CEP290: variants seen among roughly 807,000 people sequenced by gnomAD.
CEP290 encodes the protein centrosomal protein 290.
In CEP290, 317 loss-of-function variants were observed where a neutral mutation model predicts 344.9. That is an observed-to-expected ratio of 0.92 (90% CI 0.84 to 1.01). CEP290 has a LOEUF of 1.01. Among genes scored for constraint, CEP290 ranks in the 50% least tolerant of loss-of-function variants. The pLI is 0.00. For missense variants in CEP290, 2,754 were observed against 2,761.4 expected, an observed-to-expected ratio of 1.00 and a Z score of 0.06; for synonymous variants, 932 against 895.8, an observed-to-expected ratio of 1.04 and a Z score of -0.72.
At chr12:88,090,911 T>C (rs563443914) in intron 29 of CEP290, 72 bp from the exon 30 acceptor site, 1 of 857,342 alleles carries the variant, frequency 1.2e-6, no homozygotes, top group South Asian at 1.7e-5. Context: ...TCAAAATTTC[T>C]AGACCCTTTT....
intron 43 of CEP290, among the ~76,000 whole-genome samples, chr12:88,068,848 A>C (rs1212273239): frequency 6.6e-6 from 1 of 152,156 alleles, no homozygotes; most frequent in African/African-American, 2.4e-5. Context: ...CAGAGCATTC[A>C]CTGAAGGCCT....
intron 37 of CEP290, among the ~76,000 whole-genome samples, chr12:88,080,707 G>T (rs1565828303): frequency 1.3e-5 from 2 of 152,162 alleles, no homozygotes; most frequent in Non-Finnish European, 2.9e-5. Flanking sequence ...GGGATTACAG[G>T]TGTGAGCCAC....
At chr12:88,118,044 T>TTAATAATAA (rs537270767) in intron 17 of CEP290, among the ~76,000 whole-genome samples, 6 of 150,140 alleles carry the variant, frequency 4.0e-5, no homozygotes, top group African/African-American at 1.5e-4. Flanking sequence ...ATCTCAAATA[T>TTAATAATAA]TAATAATAAT....
Position 88,121,494 on chromosome 12 carries a change from G to A in CEP290, c.1190-328C>T, listed in dbSNP as rs780838843. Among the ~76,000 whole-genome samples, 136 of 151,646 alleles carry A rather than the reference G, an allele frequency of 9.0e-4. 2 individuals carry two copies. Among genetic ancestry groups the A allele is most frequent in the Non-Finnish European group, 1.5e-3 (102 of 67,930 alleles). On this transcript the variant is annotated intron_variant, in intron 13 of 53. Coordinates refer to ENST00000552810, the MANE Select transcript of CEP290 (RefSeq NM_025114.4). ...TTTTGTCCACTGTACTAAAACTATGGATTTTTAGCTTGACACGTGGCCATT... is the reference window on the plus strand; with the variant it reads ...TTTTGTCCACTGTACTAAAACTATGAATTTTTAGCTTGACACGTGGCCATT...
chr12:88,110,452 T>C (rs1412132555), intron 22 of CEP290, among the ~76,000 whole-genome samples: 1 of 152,156 alleles, frequency 6.6e-6, no homozygotes, highest in Non-Finnish European at 1.5e-5. Flanking sequence ...GGCTCACGTC[T>C]GTAACCCTAG....
At chr12:88,081,067 G>A (rs2036165856) in intron 37 of CEP290, among the ~76,000 whole-genome samples, 1 of 152,030 alleles carries the variant, frequency 6.6e-6, no homozygotes, top group South Asian at 2.1e-4. Flanking sequence ...CATACTACTA[G>A]TAACATTTTT....
At chr12:88,072,021 A>C in intron 41 of CEP290, 95 bp from the exon 42 acceptor site, 1 of 1,137,904 alleles carries the variant, frequency 8.8e-7, no homozygotes, top group Non-Finnish European at 1.2e-6. Context: ...AAAATTGTAA[A>C]CTAATATTTC....
At chr12:88,066,809 T>C (rs2034973666) in intron 44 of CEP290, among the ~76,000 whole-genome samples, 1 of 152,126 alleles carries the variant, frequency 6.6e-6, no homozygotes, top group African/African-American at 2.4e-5. Flanking sequence ...TCTAAATTTT[T>C]TGTAGAGACA....
intron 39 of CEP290, among the ~76,000 whole-genome samples, chr12:88,078,223 C>T (rs1171268659): frequency 1.3e-5 from 2 of 151,100 alleles, no homozygotes; most frequent in Non-Finnish European, 2.9e-5. Context: ...ATTAATTAAA[C>T]AAACAAGTAT....
chr12:88,090,313 T>G lies in CEP290; in HGVS notation c.3573+415A>C, dbSNP rs145251353. Among the ~76,000 whole-genome samples, 833 of 152,256 alleles carry G rather than the reference T, an allele frequency of 5.5e-3. 14 individuals are homozygous for G. The highest frequency in any genetic ancestry group is 0.019 in the African/African-American group (781 of 41,554). The stretch of plus-strand genomic sequence containing the variant: ...GTTCCAACTAACAAGAATAACAGCC[T>G]CTGGTTGGTATATCTTTTGATTAAA... On this transcript the variant is annotated intron_variant, in intron 30 of 53. Coordinates refer to ENST00000552810, the MANE Select transcript of CEP290 (RefSeq NM_025114.4).
Position 88,068,512 on chromosome 12 carries a change from A to G in CEP290, c.6135+10T>C, listed in dbSNP as rs371097588. On this transcript the variant is annotated intron_variant, in intron 44 of 53. Coordinates refer to ENST00000552810, the MANE Select transcript of CEP290 (RefSeq NM_025114.4). ...AAAAAAGAAAAAAATAATAAAAGAT[A>G]TACACTTACTGAAGGCTTAGAATAT... 5 of 1,471,606 alleles carry G rather than the reference A, an allele frequency of 3.4e-6. No individual in the cohort carries two copies. Among genetic ancestry groups the G allele is most frequent in the African/African-American group, 2.9e-5 (2 of 68,312 alleles). 91.2% of individuals were successfully genotyped at this position (1,471,606 alleles called of 1,614,324 possible). A position where few individuals can be genotyped will look rare whatever the true frequency, so the allele number is the denominator to read the frequency against.
In CEP290 at chr12:88,083,161, G is replaced by A. The variant is rs376493409; in HGVS notation, c.4882C>T (p.Gln1628Ter). The part of the protein sequence containing the change: ...KHFIRLAEME[Q>*]TVAEQDDSLS... The stretch of plus-strand genomic sequence containing the variant: ...GAGTCATCTTGTTCTGCTACTGTCT[G>A]TTCCATCTCAGCCAGACGAATAAAA... Residue 1628 changes from glutamine to a stop codon, truncating the protein, a stop_gained, in exon 37 of 54, where the codon CAG (glutamine) becomes TAG (stop). Transcript: ENST00000552810. LOFTEE classifies it high-confidence loss of function. 61 of 1,552,940 alleles carry A rather than the reference G, an allele frequency of 3.9e-5. No individual in the cohort carries two copies. Among genetic ancestry groups the A allele is most frequent in the Non-Finnish European group, 2.3e-5 (27 of 1,149,868 alleles).
chr12:88,120,321 G>T, intron 14 of CEP290, 45 bp from the exon 15 acceptor site: 1 of 980,228 alleles, frequency 1.0e-6, no homozygotes, highest in Non-Finnish European at 1.4e-6. Flanking sequence ...TGGTTTACTT[G>T]AATAAATTTA....
chr12:88,051,505 T>C (rs1048701945), intron 52 of CEP290, among the ~76,000 whole-genome samples: 21 of 152,180 alleles, frequency 1.4e-4, no homozygotes, highest in African/African-American at 4.8e-4. Flanking sequence ...CTGGGCTTGG[T>C]ATAAATATCT....
intron 32 of CEP290, among the ~76,000 whole-genome samples, chr12:88,086,909 A>G (rs934456078): frequency 1.3e-5 from 2 of 152,238 alleles, no homozygotes; most frequent in Non-Finnish European, 2.9e-5. Context: ...TCAGAAGGTT[A>G]CAAGCACTTT....
At chr12:88,124,700 T>C (rs1295104662) in intron 13 of CEP290, among the ~76,000 whole-genome samples, 2 of 152,122 alleles carry the variant, frequency 1.3e-5, no homozygotes, top group Non-Finnish European at 2.9e-5. Flanking sequence ...GAATTTCCCA[T>C]GAACAGTTCG....
At position 88,120,097 on chromosome 12, in the gene CEP290, C is replaced by G. The variant is rs1269048571; in HGVS notation, c.1522+17G>C. The G allele has an allele frequency of 3.2e-5, 47 of 1,456,014 alleles. No homozygotes were observed. Among genetic ancestry groups the G allele is most frequent in the Non-Finnish European group, 4.1e-5 (45 of 1,100,188 alleles). 90.2% of individuals were successfully genotyped at this position (1,456,014 alleles called of 1,614,324 possible). ...AAATCAGGTTGCGCAAACTATGTAACTTAAAACATGGCTTACCCACACGCT... is the reference window on the plus strand; with the variant it reads ...AAATCAGGTTGCGCAAACTATGTAAGTTAAAACATGGCTTACCCACACGCT... On this transcript the variant is annotated intron_variant, in intron 15 of 53. Transcript: ENST00000552810.
intron 40 of CEP290, 141 bp from the exon 41 acceptor site, chr12:88,077,485 T>C: frequency 1.5e-6 from 1 of 678,822 alleles, no homozygotes; most frequent in South Asian, 2.3e-5. Flanking sequence ...CATAAGATAA[T>C]CTGGTAGCTG....
intron 37 of CEP290, 83 bp downstream of exon 37, chr12:88,082,948 G>T (rs2036298928): frequency 2.6e-6 from 2 of 771,736 alleles, no homozygotes; most frequent in South Asian, 3.9e-5. Context: ...TTAGAACAGT[G>T]CCTGGCATAG....
Sources: gnomAD v4.1 joint callset for allele counts (sites outside exome capture counted in the v4.1 genomes callset) on GRCh38, gnomAD v4.1.1 for gene constraint, MANE v1.5 for transcripts, NCBI Gene and HGNC (gene_info 2026-07-23, HGNC 2026-07-21) for gene names.